MAP4K4: variants seen among roughly 807,000 people sequenced by gnomAD.
The protein encoded by MAP4K4 is HPK/GCK-like kinase HGK.
In MAP4K4, 38 loss-of-function variants were observed where a neutral mutation model predicts 189.6. The ratio of observed to expected loss-of-function variants is 0.20; its 90% CI spans 0.15 to 0.26. MAP4K4 has a LOEUF of 0.26. Among genes scored for constraint, MAP4K4 ranks in the 10% least tolerant of loss-of-function variants. MAP4K4 has a pLI of 1.00. For synonymous variants in MAP4K4, 610 were observed against 624.3 expected (o/e 0.98, Z 0.34); for missense variants, 1,054 against 1,726.9 (o/e 0.61, Z 6.91).
intron 24 of MAP4K4, 110 bp downstream of exon 24, chr2:101,871,795 C>T (rs1236994105): frequency 2.1e-6 from 2 of 960,562 alleles, no homozygotes; most frequent in East Asian, 2.7e-5. Context: ...CCTTCCCACC[C>T]TGCTTTCTCT....
At chr2:101,814,543 G>T (rs540710240) in intron 3 of MAP4K4, among the ~76,000 whole-genome samples, 1 of 152,168 alleles carries the variant, frequency 6.6e-6, no homozygotes, top group African/African-American at 2.4e-5. Flanking sequence ...GATCCACAAT[G>T]AAGAGAATTA....
chr2:101,826,133 C>CTTGGT (rs2096345811), intron 5 of MAP4K4, among the ~76,000 whole-genome samples: 2 of 152,024 alleles, frequency 1.3e-5, no homozygotes, highest in African/African-American at 2.4e-5. Flanking sequence ...ACAGACATTA[C>CTTGGT]TTGGTTGCAT....
chr2:101,774,758 G>A (rs1269182487), intron 2 of MAP4K4, among the ~76,000 whole-genome samples: 2 of 152,158 alleles, frequency 1.3e-5, no homozygotes, highest in African/African-American at 4.8e-5. Context: ...ACCACAATCA[G>A]AATGCAGAAC....
At chr2:101,783,344 C>T (rs536449543) in intron 2 of MAP4K4, among the ~76,000 whole-genome samples, 1 of 152,008 alleles carries the variant, frequency 6.6e-6, no homozygotes, top group Non-Finnish European at 1.5e-5. Context: ...CTTCACACAC[C>T]AAACCCCCAG....
At chr2:101,808,449 G>T (rs2095161528) in intron 3 of MAP4K4, among the ~76,000 whole-genome samples, 1 of 152,056 alleles carries the variant, frequency 6.6e-6, no homozygotes, top group South Asian at 2.1e-4. Context: ...TAGTTTAAAA[G>T]TTCAAGGCTT....
intron 9 of MAP4K4, 83 bp from the exon 10 acceptor site, chr2:101,839,736 T>G: frequency 9.6e-7 from 1 of 1,040,554 alleles, no homozygotes; most frequent in Non-Finnish European, 1.4e-6. Flanking sequence ...AGCTCTTCTT[T>G]ATGTTGAGGC....
chr2:101,821,162 G>T (rs1302468230), intron 3 of MAP4K4, among the ~76,000 whole-genome samples: 1 of 152,042 alleles, frequency 6.6e-6, no homozygotes, highest in Non-Finnish European at 1.5e-5. Flanking sequence ...ATACCTATTT[G>T]GTAGGACTTT....
chr2:101,736,090 G>T (rs6724370), intron 2 of MAP4K4, among the ~76,000 whole-genome samples: 1 of 151,940 alleles, frequency 6.6e-6, no homozygotes, highest in African/African-American at 2.4e-5. Context: ...AGAGCTGCTG[G>T]AGCTGCTGCT....
At chr2:101,860,320 T>G in intron 15 of MAP4K4, 1 of 219,894 alleles carries the variant, frequency 4.5e-6, no homozygotes, top group East Asian at 1.1e-4. Context: ...CAGGGACTGC[T>G]CGGGGGTGCA....
exon 31 of MAP4K4, chr2:101,887,894 C>T (rs767733205): frequency 1.2e-6 from 2 of 1,611,278 alleles, no homozygotes; most frequent in African/African-American, 2.7e-5. Flanking sequence ...GAAGGATCAC[C>T]AAGGATGTAG....
chr2:101,748,762 G>C (rs941355631), intron 2 of MAP4K4, among the ~76,000 whole-genome samples: 1 of 151,650 alleles, frequency 6.6e-6, no homozygotes, highest in East Asian at 1.9e-4. Flanking sequence ...AGAAAACCCC[G>C]TTGTCTCAGC....
At chr2:101,743,810 A>G (rs367672232) in intron 2 of MAP4K4, among the ~76,000 whole-genome samples, 12 of 151,960 alleles carry the variant, frequency 7.9e-5, no homozygotes, top group East Asian at 3.9e-4. Flanking sequence ...GCCACGCACC[A>G]CCACACCTGG....
chr2:101,795,729 G>C (rs1023782633), intron 3 of MAP4K4, among the ~76,000 whole-genome samples: 4 of 152,150 alleles, frequency 2.6e-5, no homozygotes, highest in Non-Finnish European at 5.9e-5. Context: ...TAGGCCCTTT[G>C]AGTAGACAGA....
intron 2 of MAP4K4, among the ~76,000 whole-genome samples, chr2:101,704,567 A>ATTTTTTTTTTTTTTTTTTTT (rs57278834): frequency 8.5e-5 from 2 of 23,398 alleles, no homozygotes; most frequent in African/African-American, 3.2e-4. Flanking sequence ...ATATATATAT[A>ATTTTTTTTTTTTTTTTTTTT]TTTTTTTTTT....
chr2:101,838,342 G>A lies in MAP4K4; in HGVS notation c.774-1477G>A, dbSNP rs145338935. On this transcript the variant is annotated intron_variant, in intron 9 of 32. Transcript: ENST00000324219. The stretch of plus-strand genomic sequence containing the variant: ...GTGTTAAAGCATTTCACTGTACTGT[G>A]TAGAATCTTCCATGTTCCTCATTAA... Among the ~76,000 whole-genome samples the A allele has an allele frequency of 4.2e-3, 633 of 152,330 alleles. 3 individuals are homozygous for A. The highest frequency in any genetic ancestry group is 0.014 in the African/African-American group (598 of 41,574).
intron 2 of MAP4K4, among the ~76,000 whole-genome samples, chr2:101,777,350 C>A (rs1358308765): frequency 1.3e-5 from 2 of 152,126 alleles, no homozygotes; most frequent in Non-Finnish European, 2.9e-5. Flanking sequence ...ACTGTGTCTG[C>A]TATTGACAAG....
At chr2:101,772,942 C>T (rs2082197202) in intron 2 of MAP4K4, among the ~76,000 whole-genome samples, 1 of 152,136 alleles carries the variant, frequency 6.6e-6, no homozygotes, top group Non-Finnish European at 1.5e-5. Flanking sequence ...TGTAACCCTT[C>T]CTTGATTTAT....
intron 14 of MAP4K4, 51 bp from the exon 15 acceptor site, chr2:101,859,592 G>A: frequency 1.5e-6 from 2 of 1,337,160 alleles, no homozygotes; most frequent in Non-Finnish European, 2.1e-6. Flanking sequence ...CAGAGAAGAG[G>A]CGAGCTCTCC....
At chr2:101,831,813 G>A in exon 7 of MAP4K4, 6 of 1,612,536 alleles carry the variant, frequency 3.7e-6, no homozygotes, top group East Asian at 2.2e-5. Flanking sequence ...TGAGGTCATC[G>A]CCTGTGATGA....
Sources: gnomAD v4.1 joint callset for allele counts (sites outside exome capture counted in the v4.1 genomes callset) on GRCh38, gnomAD v4.1.1 for gene constraint, MANE v1.5 for transcripts, NCBI Gene and HGNC (gene_info 2026-07-23, HGNC 2026-07-21) for gene names.